COL15A1: variants seen among roughly 807,000 people sequenced by gnomAD.
The protein encoded by COL15A1 is collagen type XV alpha 1 chain.
COL15A1 carries 111 observed loss-of-function variants against 165.9 expected under a neutral mutation model. That is an observed-to-expected ratio of 0.67 (90% CI 0.57 to 0.78). COL15A1 has a LOEUF of 0.78. Among genes scored for constraint, COL15A1 ranks in the 30% least tolerant of loss-of-function variants. The probability of loss-of-function intolerance (pLI) is 0.00; values close to 1 mark genes in which losing one functional copy is unlikely to be tolerated. For missense variants in COL15A1, 1,745 were observed against 1,789.7 expected, an observed-to-expected ratio of 0.98 and a Z score of 0.45; for synonymous variants, 659 against 674.8, an observed-to-expected ratio of 0.98 and a Z score of 0.36.
chr9:98,952,618 C>A (rs1425075760), intron 2 of COL15A1, among the ~76,000 whole-genome samples: 1 of 151,970 alleles, frequency 6.6e-6, no homozygotes, highest in East Asian at 1.9e-4. Flanking sequence ...AACTCCTGGG[C>A]TCAAGCAATC....
intron 23 of COL15A1, 46 bp downstream of exon 23, chr9:99,040,602 A>C (rs1839385631): frequency 6.2e-7 from 1 of 1,614,018 alleles, no homozygotes; most frequent in African/African-American, 1.3e-5. Flanking sequence ...CGTGGCTGCG[A>C]TCATTCTGTT....
chr9:99,016,053 C>T lies in COL15A1; in HGVS notation c.1581C>T (p.Gly527=), dbSNP rs757279007. 1.9e-6 allele frequency: 3 copies of T among 1,613,994 alleles called. No homozygotes were observed. The highest frequency in any genetic ancestry group is 2.5e-6 in the Non-Finnish European group (3 of 1,179,902). Residue 527 remains glycine (G), a synonymous_variant, in exon 11 of 42, where the codon GGC becomes GGT. Transcript: ENST00000375001. ...PLITAGGEES[G]SPPPDGPPLP... is the part of the protein sequence containing the mutation. ...TCACAGCTGGGGGTGAAGAGTCCGG[C>T]AGCCCTCCCCCTGATGGGCCACCGC...
intron 2 of COL15A1, among the ~76,000 whole-genome samples, chr9:98,976,218 C>A (rs79185999): frequency 0.023 from 3,466 of 152,248 alleles, 119 homozygotes; most frequent in African/African-American, 0.078. Context: ...AAGTTGAAAA[C>A]CCCCATTGGA....
Position 99,047,767 on chromosome 9 carries a change from G to C in COL15A1, c.2680-19G>C. 1.2e-6 allele frequency: 2 copies of C among 1,613,704 alleles called. No homozygotes were observed. Among genetic ancestry groups the C allele is most frequent in the South Asian group, 2.2e-5 (2 of 91,066 alleles). ...AGACTTTCTGTTCTTTTCTAATCTG[G>C]CATTTGTTTTGCCTCTAGGGGCCCA... On this transcript the variant is annotated intron_variant, in intron 26 of 41. Coordinates refer to ENST00000375001, the MANE Select transcript of COL15A1 (RefSeq NM_001855.5).
chr9:98,972,392 G>T (rs1444494987), intron 2 of COL15A1, among the ~76,000 whole-genome samples: 4 of 152,152 alleles, frequency 2.6e-5, no homozygotes, highest in Non-Finnish European at 5.9e-5. Flanking sequence ...ACTCTGATAT[G>T]TGGCTAGGGC....
intron 2 of COL15A1, among the ~76,000 whole-genome samples, chr9:98,967,608 A>C (rs1429876080): frequency 1.3e-5 from 2 of 152,206 alleles, no homozygotes; most frequent in African/African-American, 2.4e-5. Flanking sequence ...GGTGGCTTGA[A>C]TGCTGTGCTA....
intron 8 of COL15A1, 127 bp from the exon 9 acceptor site, chr9:99,004,771 G>A: frequency 9.8e-7 from 1 of 1,025,020 alleles, no homozygotes; most frequent in Non-Finnish European, 1.5e-6. Context: ...CTCACTGTGG[G>A]TTTCCATGTG....
chr9:99,038,362 C>T (rs914127587), intron 21 of COL15A1, among the ~76,000 whole-genome samples: 23 of 152,286 alleles, frequency 1.5e-4, no homozygotes, highest in African/African-American at 5.5e-4. Context: ...CATGGACAAA[C>T]ACACACACCC....
At position 99,020,972 on chromosome 9, in the gene COL15A1, A is replaced by G. The variant is rs188215552; in HGVS notation, c.1701+530A>G. The stretch of plus-strand genomic sequence containing the variant: ...CTGCGGTGTGGGATGACGTGAGGGG[A>G]TGTTTATAGAAGTGCTTTAGCTGGT... On this transcript the variant is annotated intron_variant, in intron 12 of 41. Coordinates refer to ENST00000375001, the MANE Select transcript of COL15A1 (RefSeq NM_001855.5). 1.9e-4 allele frequency among the ~76,000 whole-genome samples: 29 copies of G among 152,266 alleles called. No individual in the cohort carries two copies. In the East Asian group the frequency reaches 5.2e-3, roughly 27 times the overall value.
chr9:99,043,028 T>C (rs1385103718), intron 24 of COL15A1, among the ~76,000 whole-genome samples: 1 of 152,144 alleles, frequency 6.6e-6, no homozygotes, highest in African/African-American at 2.4e-5. Context: ...AGCACATGCT[T>C]ACAGCTGGAA....
intron 2 of COL15A1, among the ~76,000 whole-genome samples, chr9:98,958,523 G>A (rs1165654481): frequency 1.3e-5 from 2 of 152,162 alleles, no homozygotes; most frequent in African/African-American, 4.8e-5. Flanking sequence ...AGGAGGGGTG[G>A]AAGAAACCAT....
chr9:99,060,073 T>C, intron 36 of COL15A1, 120 bp downstream of exon 36: 1 of 1,055,338 alleles, frequency 9.5e-7, no homozygotes, highest in South Asian at 1.7e-5. Context: ...ATAGTAGGCT[T>C]GGTGCAATTC....
At chr9:99,044,887 T>C in intron 26 of COL15A1, 117 bp downstream of exon 26, 1 of 898,742 alleles carries the variant, frequency 1.1e-6, no homozygotes, top group South Asian at 1.4e-5. Context: ...GGCAAAGATG[T>C]GCAAAATGTG....
At chr9:98,989,851 C>T (rs981838005) in intron 5 of COL15A1, among the ~76,000 whole-genome samples, 1 of 152,204 alleles carries the variant, frequency 6.6e-6, no homozygotes, top group Non-Finnish European at 1.5e-5. Context: ...TGGACCTCCT[C>T]CCTCCTGGGA....
intron 5 of COL15A1, among the ~76,000 whole-genome samples, chr9:98,995,897 G>C (rs1367766466): frequency 6.6e-6 from 1 of 152,126 alleles, no homozygotes; most frequent in Non-Finnish European, 1.5e-5. Flanking sequence ...CATTTTTACA[G>C]AGGAGGAAGC....
rs1485552544 is a variant in COL15A1, at chr9:99,004,879, C to G, written c.1201-19C>G. 10 of 1,613,940 alleles carry G rather than the reference C, an allele frequency of 6.2e-6. No individual in the cohort carries two copies. The Admixed American group carries it at 1.5e-4, about 24-fold the overall frequency. On this transcript the variant is annotated intron_variant, in intron 8 of 41. Coordinates refer to ENST00000375001, the MANE Select transcript of COL15A1 (RefSeq NM_001855.5). The stretch of plus-strand genomic sequence containing the variant: ...GCATCATGGGGCACTGACGCGGTTC[C>G]TGTTGACTTTCTATTCAGGGTCCAG...
At chr9:98,989,031 CA>C in intron 4 of COL15A1, 146 bp from the exon 5 acceptor site, 1 of 573,214 alleles carries the variant, frequency 1.7e-6, no homozygotes, top group South Asian at 1.9e-5. Context: ...TAGACACACA[CA>C]CACACACACA....
intron 2 of COL15A1, among the ~76,000 whole-genome samples, chr9:98,955,294 A>G (rs1837757995): frequency 6.6e-6 from 1 of 152,122 alleles, no homozygotes; most frequent in African/African-American, 2.4e-5. Context: ...GGCAATTCCT[A>G]CTCTAAGGAT....
intron 2 of COL15A1, among the ~76,000 whole-genome samples, chr9:98,947,680 T>C (rs375374134): frequency 6.6e-6 from 1 of 152,130 alleles, no homozygotes; most frequent in East Asian, 1.9e-4. Context: ...GGGCATTGAT[T>C]CTCTCAGAAA....
Sources: gnomAD v4.1 joint callset for allele counts (sites outside exome capture counted in the v4.1 genomes callset) on GRCh38, gnomAD v4.1.1 for gene constraint, MANE v1.5 for transcripts, NCBI Gene and HGNC (gene_info 2026-07-23, HGNC 2026-07-21) for gene names.